The following PROX1 variants were observed in gnomAD, a reference collection of about 807,000 sequenced individuals.
The protein encoded by PROX1 is prospero homeobox 1.
A neutral mutation model predicts 58.8 loss-of-function variants in PROX1; 7 were observed. The ratio of observed to expected loss-of-function variants is 0.12; its 90% CI spans 0.07 to 0.22. The LOEUF (loss-of-function observed/expected upper bound fraction) is 0.22. Ranked by LOEUF, PROX1 falls within the 10% of genes least tolerant of loss-of-function variation. The probability of loss-of-function intolerance (pLI) is 1.00; values close to 1 mark genes in which losing one functional copy is unlikely to be tolerated. For missense variants in PROX1, 675 were observed against 927.8 expected, an observed-to-expected ratio of 0.73 and a Z score of 3.54; for synonymous variants, 350 against 358.3, an observed-to-expected ratio of 0.98 and a Z score of 0.26.
upstream of PROX1, among the ~76,000 whole-genome samples, chr1:213,986,961 C>A (rs1265130067): frequency 6.6e-6 from 1 of 152,090 alleles, no homozygotes; most frequent in African/African-American, 2.4e-5. Context: ...TTAGAGCCTG[C>A]GATTTATGCG....
intron 1 of PROX1, among the ~76,000 whole-genome samples, chr1:213,989,408 G>A (rs1237520196): frequency 6.6e-6 from 1 of 152,006 alleles, no homozygotes; most frequent in East Asian, 1.9e-4. Context: ...AAGAGTAGGG[G>A]GTTCTTGGGC....
chr1:213,984,954 G>A (rs1392370012), upstream of PROX1: 3 of 152,242 alleles, frequency 2.0e-5, no homozygotes, highest in African/African-American at 7.2e-5. Flanking sequence ...GAAAGAACAG[G>A]AGGCGTGAGC....
intron 2 of PROX1, among the ~76,000 whole-genome samples, chr1:214,003,517 T>C (rs1348256971): frequency 6.6e-6 from 1 of 152,220 alleles, no homozygotes; most frequent in African/African-American, 2.4e-5. Context: ...ATGTCAGTCA[T>C]AAATTATCGT....
At chr1:214,034,423 C>A (rs542646738) in intron 4 of PROX1, among the ~76,000 whole-genome samples, 1 of 152,214 alleles carries the variant, frequency 6.6e-6, no homozygotes, top group East Asian at 1.9e-4. Flanking sequence ...CGTTTATGTC[C>A]TCATACGTCT....
Position 213,997,633 on chromosome 1 carries a change from T to G in PROX1, c.1098T>G (p.Thr366=), listed in dbSNP as rs201837366. 6.2e-7 allele frequency: 1 copy of G among 1,614,162 alleles called. No individual in the cohort carries two copies. Among genetic ancestry groups the G allele is most frequent in the Non-Finnish European group, 8.5e-7 (1 of 1,180,038 alleles). Residue 366 remains threonine (T), a synonymous_variant, in exon 2 of 5, where the codon ACT becomes ACG. Coordinates refer to ENST00000366958, the MANE Select transcript of PROX1 (RefSeq NM_001270616.2). This position sits in a 1 kb window ranked among gnomAD's most constrained non-coding sequence, Gnocchi z 7.1. ...CTGCCATGTCGCAAGTTGTGGACAC[T>G]GTGGTCAAAGTCTTTTCGGCCAAGC... The part of the protein sequence containing the change: ...LNTAMSQVVD[T]VVKVFSAKPS...
chr1:213,994,942 G>A (rs1260691059), intron 1 of PROX1, among the ~76,000 whole-genome samples: 2 of 151,556 alleles, frequency 1.3e-5, no homozygotes, highest in African/African-American at 2.4e-5. Context: ...TGCCATCTAA[G>A]CATTGAGCAT....
At chr1:213,996,445 C>T in intron 1 of PROX1, 24 bp from the exon 2 acceptor site, 1 of 1,414,588 alleles carries the variant, frequency 7.1e-7, no homozygotes, top group Non-Finnish European at 9.5e-7. Flanking sequence ...AATGATTCAT[C>T]AGTCCTTTTG....
At chr1:214,012,022 C>A (rs565352555) in intron 4 of PROX1, among the ~76,000 whole-genome samples, 1 of 152,296 alleles carries the variant, frequency 6.6e-6, no homozygotes, top group Non-Finnish European at 1.5e-5. Flanking sequence ...CAGAGTGATT[C>A]ATTTTCCAAG....
chr1:214,031,769 C>T (rs933259016), intron 4 of PROX1, among the ~76,000 whole-genome samples: 2 of 152,026 alleles, frequency 1.3e-5, no homozygotes, highest in African/African-American at 4.8e-5. Flanking sequence ...GAAAGTACCC[C>T]CTATTATTCT....
intron 4 of PROX1, 107 bp from the exon 5 acceptor site, chr1:214,035,542 C>A: frequency 9.2e-7 from 1 of 1,084,308 alleles, no homozygotes. Context: ...ATGCAGGTGC[C>A]ATGTAAGCCC....
chr1:214,020,213 C>T (rs1664234351), intron 4 of PROX1, among the ~76,000 whole-genome samples: 2 of 152,120 alleles, frequency 1.3e-5, no homozygotes, highest in South Asian at 2.1e-4. Context: ...TCCTCCGTCC[C>T]CACTCTGCCC....
At chr1:214,020,463 C>A (rs79768439) in intron 4 of PROX1, among the ~76,000 whole-genome samples, 9,256 of 152,270 alleles carry the variant, frequency 0.061, 598 homozygotes, top group African/African-American at 0.16. Flanking sequence ...TAGATACTTA[C>A]AGTGATTAAC....
At chr1:213,991,063 G>T (rs1481351463) in intron 1 of PROX1, among the ~76,000 whole-genome samples, 1 of 152,112 alleles carries the variant, frequency 6.6e-6, no homozygotes, top group Non-Finnish European at 1.5e-5. Flanking sequence ...TTTCCAAAAT[G>T]AAATTTTTTG....
At chr1:214,025,008 T>A (rs887403854) in intron 4 of PROX1, among the ~76,000 whole-genome samples, 1 of 152,240 alleles carries the variant, frequency 6.6e-6, no homozygotes, top group African/African-American at 2.4e-5. Context: ...GTGACTGGTA[T>A]ATGATTGCAG....
chr1:214,005,100 G>A (rs1000189990), intron 2 of PROX1, 65 bp from the exon 3 acceptor site: 3 of 1,293,160 alleles, frequency 2.3e-6, no homozygotes, highest in African/African-American at 2.9e-5. Flanking sequence ...GGTGGGGACT[G>A]GAGGGAGGGA....
At chr1:213,985,704 C>G (rs1662808074), upstream of PROX1, 1 of 152,278 alleles carries the variant, frequency 6.6e-6, no homozygotes, top group Non-Finnish European at 1.5e-5. Context: ...CGCCAGTTCC[C>G]GGGCGTGGTG....
intron 2 of PROX1, among the ~76,000 whole-genome samples, chr1:214,000,415 G>A (rs1663462087): frequency 6.6e-6 from 1 of 152,134 alleles, no homozygotes; most frequent in African/African-American, 2.4e-5. Flanking sequence ...AAATATAGTT[G>A]CTTCTTCTTC....
chr1:214,019,015 G>T (rs1299804329), intron 4 of PROX1, among the ~76,000 whole-genome samples: 1 of 152,120 alleles, frequency 6.6e-6, no homozygotes, highest in African/African-American at 2.4e-5. Flanking sequence ...CTGAGCTATT[G>T]TTCTTTCAGC....
chr1:214,030,544 G>T (rs1664613080), intron 4 of PROX1: 7 of 152,224 alleles, frequency 4.6e-5, no homozygotes, highest in Admixed American at 4.6e-4. Flanking sequence ...TTTTTAAAGG[G>T]GATTGAGGAG....
Sources: allele counts gnomAD v4.1 joint callset (sites outside exome capture counted in the v4.1 genomes callset), GRCh38; gene constraint gnomAD v4.1.1; non-coding constraint Gnocchi (gnomAD v3.1); transcripts MANE v1.5; gene names NCBI Gene and HGNC (gene_info 2026-07-23, HGNC 2026-07-21).